PCDHGA1: variants seen among roughly 807,000 people sequenced by gnomAD.
PCDHGA1 encodes protocadherin gamma subfamily A, 1, also known as protocadherin gamma-A1.
Under a neutral mutation model 58.0 loss-of-function variants are expected in PCDHGA1, and 32 were observed. That is an observed-to-expected ratio of 0.55 (90% CI 0.42 to 0.74). PCDHGA1 has a LOEUF of 0.74. PCDHGA1 is among the 30% of genes least tolerant of loss of function. The pLI is 0.00. For synonymous variants in PCDHGA1, 498 were observed against 501.1 expected (o/e 0.99, Z 0.08); for missense variants, 1,205 against 1,182.3 (o/e 1.02, Z -0.28).
At chr5:141,422,153 AT>A (rs750082013) in intron 1 of PCDHGA1, 4 of 1,575,250 alleles carry the variant, frequency 2.5e-6, no homozygotes, top group Non-Finnish European at 3.4e-6. Context: ...GGGTCTCTGG[AT>A]TTTGAAAAAT....
At position 141,355,712 on chromosome 5, in the gene PCDHGA1, A is replaced by G. The variant is rs1759947132; in HGVS notation, c.2421+22607A>G. 13 of 1,613,928 alleles carry G rather than the reference A, an allele frequency of 8.1e-6. No individual in the cohort carries two copies. In the East Asian group the frequency reaches 2.7e-4, roughly 33 times the overall value. ...GGTGTAAACTCCCTGCAGGGTTACC[A>G]GCTCAACTCAAACGGTTACTTTTCC... is the stretch of plus-strand genomic sequence containing the variant. On this transcript the variant is annotated intron_variant, in intron 1 of 3. Coordinates refer to ENST00000517417, the MANE Select transcript of PCDHGA1 (RefSeq NM_018912.3).
At chr5:141,364,421 A>AT in intron 1 of PCDHGA1, 1 of 1,613,602 alleles carries the variant, frequency 6.2e-7, no homozygotes, top group South Asian at 1.1e-5. Context: ...ATCCGGGCAG[A>AT]TCCGCTACTC....
chr5:141,485,895 C>G lies in PCDHGA1; in HGVS notation c.2422-8912C>G, dbSNP rs1243568042. On this transcript the variant is annotated intron_variant, in intron 1 of 3. Coordinates refer to ENST00000517417, the MANE Select transcript of PCDHGA1 (RefSeq NM_018912.3). This position sits in a 1 kb window ranked among gnomAD's most constrained non-coding sequence, Gnocchi z 5.7. Reference sequence around the variant, plus strand: ...CTGGACGTAAACGACAACGCCCCAGCCTTCCAGCAATCCAGCTACAGGATT... The same window carrying G: ...CTGGACGTAAACGACAACGCCCCAGGCTTCCAGCAATCCAGCTACAGGATT... 3 of 1,614,136 alleles carry G rather than the reference C, an allele frequency of 1.9e-6. No individual in the cohort carries two copies. The highest frequency in any genetic ancestry group is 2.5e-6 in the Non-Finnish European group (3 of 1,180,036).
intron 3 of PCDHGA1, 146 bp from the exon 4 acceptor site, chr5:141,510,801 A>G: frequency 6.7e-7 from 1 of 1,489,832 alleles, no homozygotes; most frequent in Non-Finnish European, 9.1e-7. Flanking sequence ...AAGAGAGACT[A>G]CCTTGGTGAC....
intron 1 of PCDHGA1, chr5:141,415,794 A>G: frequency 1.5e-6 from 2 of 1,366,408 alleles, no homozygotes; most frequent in Non-Finnish European, 1.9e-6. Context: ...AAATTCACCT[A>G]GTCTCAATCA....
chr5:141,461,830 CT>C (rs1030113508), intron 1 of PCDHGA1, among the ~76,000 whole-genome samples: 30 of 145,198 alleles, frequency 2.1e-4, no homozygotes, highest in Non-Finnish European at 2.4e-4. Flanking sequence ...ATTTTTTTTT[CT>C]TTTTTTTTTG....
intron 1 of PCDHGA1, chr5:141,388,545 C>G: frequency 6.2e-7 from 1 of 1,613,798 alleles, no homozygotes. Flanking sequence ...TGGAGCTCCA[C>G]CCCTAAGCAG....
intron 1 of PCDHGA1, chr5:141,409,680 C>T (rs756713114): frequency 1.9e-6 from 3 of 1,613,242 alleles, no homozygotes; most frequent in African/African-American, 1.3e-5. Context: ...TCTATAGTGG[C>T]GAGTGACCTA....
chr5:141,408,871 T>C, intron 1 of PCDHGA1: 2 of 1,612,784 alleles, frequency 1.2e-6, no homozygotes, highest in Non-Finnish European at 1.7e-6. Flanking sequence ...CACCAAGAAG[T>C]GCCACCGCTC....
At chr5:141,421,582 G>A (rs531591776) in intron 1 of PCDHGA1, 4 of 1,613,874 alleles carry the variant, frequency 2.5e-6, no homozygotes, top group Non-Finnish European at 2.5e-6. Flanking sequence ...GAAGATTTAC[G>A]GAGTGGAGGT....
At chr5:141,420,551 ATTTTTACGGCATGGT>A (rs2096505176) in intron 1 of PCDHGA1, 3 of 266,550 alleles carry the variant, frequency 1.1e-5, no homozygotes, top group Admixed American at 5.1e-5. Context: ...ATACAGGTAT[ATTTTTACGGCATGGT>A]ATTTTAATTG....
chr5:141,331,639 G>A lies in PCDHGA1; in HGVS notation c.955G>A (p.Val319Ile), dbSNP rs142099106. 2 of 1,614,150 alleles carry A rather than the reference G, an allele frequency of 1.2e-6. No homozygotes were observed. Among genetic ancestry groups the A allele is most frequent in the Non-Finnish European group, 1.7e-6 (2 of 1,180,018 alleles). The change falls in exon 1 of 4, where the codon GTT (valine) becomes ATT (isoleucine). Residue 319 changes from valine (V) to isoleucine (I), a missense_variant. Coordinates refer to ENST00000517417, the MANE Select transcript of PCDHGA1 (RefSeq NM_018912.3). Reference sequence around the variant, plus strand: ...AGAATACAAAATGTATTCAATGGAAGTTCAAGCCCAGGATGGTGCGGGGCT... The same window carrying A: ...AGAATACAAAATGTATTCAATGGAAATTCAAGCCCAGGATGGTGCGGGGCT... ...FEEYKMYSME[V>I]QAQDGAGLMA...
intron 1 of PCDHGA1, chr5:141,351,856 C>T: frequency 6.2e-7 from 1 of 1,613,210 alleles, no homozygotes; most frequent in South Asian, 1.1e-5. Flanking sequence ...AGGCCAGGGA[C>T]CAGGGCTCCC....
intron 1 of PCDHGA1, among the ~76,000 whole-genome samples, chr5:141,435,651 C>T (rs762264332): frequency 1.4e-4 from 22 of 152,044 alleles, no homozygotes; most frequent in Non-Finnish European, 2.9e-4. Flanking sequence ...ATTTCTGAAA[C>T]GTGCACAGAT....
intron 1 of PCDHGA1, chr5:141,484,904 C>A: frequency 2.5e-6 from 1 of 405,682 alleles, no homozygotes; most frequent in Non-Finnish European, 4.4e-6. Context: ...TCCAATGCTG[C>A]GACGCATTAA....
At chr5:141,501,288 T>TATACAC (rs201660636) in intron 2 of PCDHGA1, among the ~76,000 whole-genome samples, 3,536 of 81,176 alleles carry the variant, frequency 0.044, 56 homozygotes, top group Admixed American at 0.065. Flanking sequence ...GATATTCCCT[T>TATACAC]ATACACACAC....
chr5:141,403,580 C>G, intron 1 of PCDHGA1: 1 of 1,613,942 alleles, frequency 6.2e-7, no homozygotes, highest in Non-Finnish European at 8.5e-7. Flanking sequence ...TGCCCACCAC[C>G]TGGTCCTCAC....
chr5:141,362,588 GT>G (rs1561527574), intron 1 of PCDHGA1: 1 of 1,592,210 alleles, frequency 6.3e-7, no homozygotes, highest in African/African-American at 1.4e-5. Flanking sequence ...TTCACTTCTG[GT>G]TTTATTGTTT....
intron 1 of PCDHGA1, among the ~76,000 whole-genome samples, chr5:141,481,749 C>G (rs958851030): frequency 7.9e-5 from 12 of 151,976 alleles, no homozygotes; most frequent in African/African-American, 2.9e-4. Context: ...GTCAGGAGTC[C>G]AAGACCAGCC....
Sources: gnomAD v4.1 joint callset for allele counts (sites outside exome capture counted in the v4.1 genomes callset) on GRCh38, gnomAD v4.1.1 for gene constraint, Gnocchi (gnomAD v3.1) non-coding constraint, MANE v1.5 for transcripts, NCBI Gene and HGNC (gene_info 2026-07-23, HGNC 2026-07-21) for gene names.